The following RFTN1 variants were observed in gnomAD, a reference collection of about 807,000 sequenced individuals.
The protein encoded by RFTN1 is raftlin.
In RFTN1, 26 loss-of-function variants were observed where a neutral mutation model predicts 46.5. The observed-to-expected ratio is 0.56, with a 90% CI of 0.41 to 0.78. RFTN1 has a LOEUF of 0.78. RFTN1 is among the 30% of genes least tolerant of loss of function. RFTN1 has a pLI of 0.00. For synonymous variants in RFTN1, 261 were observed against 284.2 expected (o/e 0.92, Z 0.82); for missense variants, 693 against 718.7 (o/e 0.96, Z 0.41).
rs757123804 is a variant in RFTN1 at position 16,493,897 on chromosome 3, G to A, written c.-8-20C>T. 1 of 1,612,432 alleles carries A rather than the reference G, an allele frequency of 6.2e-7. No individual in the cohort carries two copies. Among genetic ancestry groups the A allele is most frequent in the Non-Finnish European group, 8.5e-7 (1 of 1,179,374 alleles). ...CAGCAGCTGCTGGCCAAAGGAAAAA[G>A]GCGGGGAGGTGATTTTTTTCTGAGA... On this transcript the variant is annotated intron_variant, in intron 1 of 9. Coordinates refer to ENST00000334133, the MANE Select transcript of RFTN1 (RefSeq NM_015150.2).
At chr3:16,343,775 G>C (rs997339058) in intron 7 of RFTN1, among the ~76,000 whole-genome samples, 5 of 152,194 alleles carry the variant, frequency 3.3e-5, no homozygotes, top group African/African-American at 9.6e-5. Flanking sequence ...ATGAATATAA[G>C]GAATGGCTGG....
rs377108354 is a variant in RFTN1, at chr3:16,326,835, C to G, written c.1188G>C (p.Ser396=). 1 of 1,613,954 alleles carries G rather than the reference C, an allele frequency of 6.2e-7. No homozygotes were observed. The highest frequency in any genetic ancestry group is 1.1e-5 in the South Asian group (1 of 91,072). ...TGAGCTGCCAGCCATAGGCCGCCAG[C>G]GAGTTCAGCAGGGGCACGTAGTCTG... ...VQTDYVPLLN[S]LAAYGWQLTC... The change falls in exon 8 of 10, where the codon TCG becomes TCC. Residue 396 remains serine, a synonymous_variant. Coordinates refer to ENST00000334133, the MANE Select transcript of RFTN1 (RefSeq NM_015150.2).
In RFTN1 at chr3:16,429,452, AG is replaced by A. The variant is rs1412333074; in HGVS notation, c.332+4398del. Among the ~76,000 whole-genome samples the A allele has an allele frequency of 6.6e-6, 1 of 152,240 alleles. No homozygotes were observed. Among genetic ancestry groups the A allele is most frequent in the Admixed American group, 6.5e-5 (1 of 15,278 alleles). Reference sequence around the variant, plus strand: ...CAAAAGAAATCAGGCCCAAGTTAAAAGCTGCCCCTCCAGAAACATTTCCTTG... The same window carrying A: ...CAAAAGAAATCAGGCCCAAGTTAAAACTGCCCCTCCAGAAACATTTCCTTG... On this transcript the variant is annotated intron_variant, in intron 3 of 9. Transcript: ENST00000334133. This position sits in a 1 kb window ranked among gnomAD's most constrained non-coding sequence, Gnocchi z 6.4.
At chr3:16,386,933 G>T (rs115906022) in intron 4 of RFTN1, among the ~76,000 whole-genome samples, 1 of 152,322 alleles carries the variant, frequency 6.6e-6, no homozygotes, top group African/African-American at 2.4e-5. Flanking sequence ...ATGGGATGCT[G>T]ATTTGTCAAA....
chr3:16,487,996 G>C, intron 2 of RFTN1, among the ~76,000 whole-genome samples: 1 of 152,080 alleles, frequency 6.6e-6, no homozygotes, highest in East Asian at 1.9e-4. Flanking sequence ...TGCTGCTTTC[G>C]CCTCTGCCAG....
Position 16,383,614 on chromosome 3 carries a change from T to C in RFTN1, c.442-5512A>G, listed in dbSNP as rs548740. ...TGTCTGTTTCTATGTCCAAAATGAATACCATGTTGCTAATGATAAGTGCGA... is the reference window on the plus strand; with the variant it reads ...TGTCTGTTTCTATGTCCAAAATGAACACCATGTTGCTAATGATAAGTGCGA... On this transcript the variant is annotated intron_variant, in intron 4 of 9. Transcript: ENST00000334133. This position sits in a 1 kb window ranked among gnomAD's most constrained non-coding sequence, Gnocchi z 4.0. Among the ~76,000 whole-genome samples, 43,273 of 152,160 alleles carry C rather than the reference T, an allele frequency of 0.28. 6,784 individuals carry two copies. The highest frequency in any genetic ancestry group is 0.58 in the South Asian group (2,804 of 4,822).
At chr3:16,493,416 A>G (rs985141251) in intron 2 of RFTN1, among the ~76,000 whole-genome samples, 1 of 152,060 alleles carries the variant, frequency 6.6e-6, no homozygotes, top group African/African-American at 2.4e-5. Context: ...CATTTTTAGT[A>G]GAGACAGGTT....
At chr3:16,318,476 G>A (rs1448196318) in intron 9 of RFTN1, among the ~76,000 whole-genome samples, 4 of 152,094 alleles carry the variant, frequency 2.6e-5, no homozygotes, top group East Asian at 3.8e-4. Flanking sequence ...CATTCTGAGC[G>A]CTTTGCTAGG....
At position 16,442,960 on chromosome 3, in the gene RFTN1, GTTTA is replaced by G. The variant is rs1345895048; in HGVS notation, c.146-8927_146-8924del. Among the ~76,000 whole-genome samples, 1 of 152,156 alleles carries G rather than the reference GTTTA, an allele frequency of 6.6e-6. No individual in the cohort carries two copies. The highest frequency in any genetic ancestry group is 1.5e-5 in the Non-Finnish European group (1 of 68,026). On this transcript the variant is annotated intron_variant, in intron 2 of 9. Transcript: ENST00000334133. The surrounding 1 kb of genome is among the most constrained non-coding windows in gnomAD (Gnocchi z 4.1). ...TACTCCATTGCATATATATACCATA[GTTTA>G]TTTATCCAATCATCTATTGATGGAC...
chr3:16,490,867 T>C (rs1316180563), intron 2 of RFTN1, among the ~76,000 whole-genome samples: 1 of 152,194 alleles, frequency 6.6e-6, no homozygotes, highest in East Asian at 1.9e-4. Flanking sequence ...CACTGTACAA[T>C]GTTAAGTCGC....
chr3:16,501,387 G>A (rs1049329559), intron 1 of RFTN1, among the ~76,000 whole-genome samples: 1 of 152,170 alleles, frequency 6.6e-6, no homozygotes, highest in African/African-American at 2.4e-5. Context: ...CGTAGAAAAG[G>A]CTTAGTTTAA....
intron 2 of RFTN1, among the ~76,000 whole-genome samples, chr3:16,492,434 C>T (rs1201855845): frequency 6.6e-6 from 1 of 152,192 alleles, no homozygotes; most frequent in African/African-American, 2.4e-5. Flanking sequence ...GAAGTGGACA[C>T]CCGTGTTCCT....
chr3:16,345,817 T>TGTGTGTGTGTGTGTGTGCGC lies in RFTN1; in HGVS notation c.1146+12114_1146+12115insGCGCACACACACACACACAC, dbSNP rs1160939614. Among the ~76,000 whole-genome samples, 1 of 74,540 alleles carries TGTGTGTGTGTGTGTGTGCGC rather than the reference T, an allele frequency of 1.3e-5. No homozygotes were observed. The highest frequency in any genetic ancestry group is 5.5e-5 in the African/African-American group (1 of 18,090). 48.9% of individuals were successfully genotyped at this position (74,540 alleles called of 152,430 possible). A position where few individuals can be genotyped will look rare whatever the true frequency, so the allele number is the denominator to read the frequency against. ...GTGTGTGTGTGTGTGTGTGTGTGTG[T>TGTGTGTGTGTGTGTGTGCGC]GCGCGCGCGCGTGCGCGCACGCGCA... On this transcript the variant is annotated intron_variant, in intron 7 of 9. Coordinates refer to ENST00000334133, the MANE Select transcript of RFTN1 (RefSeq NM_015150.2). The surrounding 1 kb of genome is among the most constrained non-coding windows in gnomAD (Gnocchi z 5.2).
At position 16,455,618 on chromosome 3, in the gene RFTN1, C is replaced by T. The variant is rs566970519; in HGVS notation, c.146-21581G>A. On this transcript the variant is annotated intron_variant, in intron 2 of 9. Transcript: ENST00000334133. ...CCAGTCATTTATGGTCCTCAAAGCC[C>T]AGTATATTGGTGTTGGGGGTGGAGG... Among the ~76,000 whole-genome samples the T allele has an allele frequency of 2.7e-4, 41 of 152,198 alleles. No homozygotes were observed. In the South Asian group the frequency reaches 4.8e-3, roughly 18 times the overall value.
In RFTN1 at chr3:16,455,854, A is replaced by C. The variant is rs569268008; in HGVS notation, c.146-21817T>G. Among the ~76,000 whole-genome samples, 3 of 152,336 alleles carry C rather than the reference A, an allele frequency of 2.0e-5. No individual in the cohort carries two copies. The East Asian group carries it at 5.8e-4, about 29-fold the overall frequency. ...TCAAGATGATAATGAAACATCAGACAATCTGTGAGAACATGATGCCAAGAA... is the reference window on the plus strand; with the variant it reads ...TCAAGATGATAATGAAACATCAGACCATCTGTGAGAACATGATGCCAAGAA... On this transcript the variant is annotated intron_variant, in intron 2 of 9. Transcript: ENST00000334133.
Position 16,316,711 on chromosome 3 carries a change from A to G in RFTN1, c.*117T>C, listed in dbSNP as rs1458755803. On this transcript the variant is annotated 3_prime_UTR_variant, in exon 10 of 10. Coordinates refer to ENST00000334133, the MANE Select transcript of RFTN1 (RefSeq NM_015150.2). This position sits in a 1 kb window ranked among gnomAD's most constrained non-coding sequence, Gnocchi z 4.5. ...CAGGTGAGCTCACAAGGAGAGGTCA[A>G]GCCAAGCCAAAGGGTAGGTAACACA... 1.2e-5 allele frequency: 15 copies of G among 1,293,422 alleles called. No individual in the cohort carries two copies. The highest frequency in any genetic ancestry group is 1.4e-5 in the Non-Finnish European group (13 of 906,456). 80.1% of individuals were successfully genotyped at this position (1,293,422 alleles called of 1,614,324 possible).
In RFTN1 at chr3:16,506,781, G is replaced by A. The variant is rs1215038572; in HGVS notation, c.-9+6661C>T. 6.6e-6 allele frequency among the ~76,000 whole-genome samples: 1 copy of A among 152,074 alleles called. No individual in the cohort carries two copies. The highest frequency in any genetic ancestry group is 1.5e-5 in the Non-Finnish European group (1 of 68,024). On this transcript the variant is annotated intron_variant, in intron 1 of 9. Coordinates refer to ENST00000334133, the MANE Select transcript of RFTN1 (RefSeq NM_015150.2). The surrounding 1 kb of genome is among the most constrained non-coding windows in gnomAD (Gnocchi z 4.8). ...TCTCCCTACATGACAGTAAATTTCT[G>A]GAAGGCAGCAAGCGGGTCTTCTTCA...
Position 16,504,816 on chromosome 3 carries a change from T to A in RFTN1, c.-9+8626A>T, listed in dbSNP as rs2076774324. Among the ~76,000 whole-genome samples, 1 of 152,120 alleles carries A rather than the reference T, an allele frequency of 6.6e-6. No individual in the cohort carries two copies. The highest frequency in any genetic ancestry group is 2.4e-5 in the African/African-American group (1 of 41,420). On this transcript the variant is annotated intron_variant, in intron 1 of 9. Coordinates refer to ENST00000334133, the MANE Select transcript of RFTN1 (RefSeq NM_015150.2). This position sits in a 1 kb window ranked among gnomAD's most constrained non-coding sequence, Gnocchi z 4.4. Reference sequence around the variant, plus strand: ...CAACATCTCCACCTGGAACTTTCTCTCTTCACCTGAGACTTTCTCAGCACT... The same window carrying A: ...CAACATCTCCACCTGGAACTTTCTCACTTCACCTGAGACTTTCTCAGCACT...
chr3:16,334,385 C>T lies in RFTN1; in HGVS notation c.1147-7509G>A, dbSNP rs1008302513. Among the ~76,000 whole-genome samples the T allele has an allele frequency of 1.3e-5, 2 of 152,162 alleles. No individual in the cohort carries two copies. The highest frequency in any genetic ancestry group is 2.9e-5 in the Non-Finnish European group (2 of 68,024). ...TTTCAAAATTACAAACACATTTTCC[C>T]TTTGACCCAACAATCTCACTTCTGG... On this transcript the variant is annotated intron_variant, in intron 7 of 9. Transcript: ENST00000334133. The surrounding 1 kb of genome is among the most constrained non-coding windows in gnomAD (Gnocchi z 4.3).
Sources: gnomAD v4.1 joint callset for allele counts (sites outside exome capture counted in the v4.1 genomes callset) on GRCh38, gnomAD v4.1.1 for gene constraint, Gnocchi (gnomAD v3.1) non-coding constraint, MANE v1.5 for transcripts, NCBI Gene and HGNC (gene_info 2026-07-23, HGNC 2026-07-21) for gene names.